Variants in DACH2 observed in about 807,000 individuals in gnomAD.
DACH2 encodes dachshund family transcription factor 2.
In DACH2, 17 loss-of-function variants were observed where a neutral mutation model predicts 35.8. That is an observed-to-expected ratio of 0.48 (90% CI 0.33 to 0.71). DACH2 has a LOEUF of 0.71. Ranked by LOEUF, DACH2 falls within the 30% of genes least tolerant of loss-of-function variation. The probability of loss-of-function intolerance (pLI) is 0.02; values close to 1 mark genes in which losing one functional copy is unlikely to be tolerated. For synonymous variants in DACH2, 195 were observed against 177.3 expected (o/e 1.10, Z -0.79); for missense variants, 469 against 472.7 (o/e 0.99, Z 0.07).
At position 86,613,338 on chromosome X, in the gene DACH2, T is replaced by C. The variant is rs755365940; in HGVS notation, c.641-37698T>C. On this transcript the variant is annotated intron_variant, in intron 3 of 11. Transcript: ENST00000373125. The stretch of plus-strand genomic sequence containing the variant: ...GTTTCTCTAACTCTTACCTTTCTTT[T>C]TCCTTTTCATCTGCATATCTCTTAT... Among the ~76,000 whole-genome samples, 5 of 111,649 alleles carry C rather than the reference T, an allele frequency of 4.5e-5. No homozygotes were observed. The South Asian group carries it at 1.9e-3, about 42-fold the overall frequency.
chrX:86,231,361 C>T (rs188150904), intron 1 of DACH2, among the ~76,000 whole-genome samples: 3,594 of 110,897 alleles, frequency 0.032, 146 homozygotes, highest in African/African-American at 0.11. Context: ...CCTTTGTCTT[C>T]GGCTACCAGA....
intron 1 of DACH2, among the ~76,000 whole-genome samples, chrX:86,290,273 G>GT (rs2034252546): frequency 1.6e-5 from 1 of 62,312 alleles, no homozygotes; most frequent in Admixed American, 2.1e-4. Flanking sequence ...GGGGTTGTTT[G>GT]TTTTTTTCTT....
intron 2 of DACH2, among the ~76,000 whole-genome samples, chrX:86,388,279 G>A (rs2036150824): frequency 8.9e-6 from 1 of 111,834 alleles, no homozygotes; most frequent in African/African-American, 3.2e-5. Flanking sequence ...TACTTTCTTT[G>A]GATGTACAAT....
chrX:86,725,389 A>C (rs993687430), intron 6 of DACH2, among the ~76,000 whole-genome samples: 1 of 111,656 alleles, frequency 9.0e-6, no homozygotes, highest in East Asian at 2.8e-4. Flanking sequence ...TGCCCATGGT[A>C]GTGTAATCTA....
intron 1 of DACH2, among the ~76,000 whole-genome samples, chrX:86,180,285 T>A (rs1172999685): frequency 9.9e-6 from 1 of 100,590 alleles, no homozygotes; most frequent in Non-Finnish European, 2.0e-5. Flanking sequence ...TTACTGTAGA[T>A]GTTTTAGAAC....
At chrX:86,527,621 T>A (rs1012349501) in intron 3 of DACH2, among the ~76,000 whole-genome samples, 2 of 112,523 alleles carry the variant, frequency 1.8e-5, no homozygotes, top group Admixed American at 1.9e-4. Flanking sequence ...GGAGTTCTTT[T>A]ACCAGTTTTT....
At chrX:86,746,822 A>G (rs1303988825) in intron 7 of DACH2, among the ~76,000 whole-genome samples, 1 of 111,303 alleles carries the variant, frequency 9.0e-6, no homozygotes, top group Non-Finnish European at 1.9e-5. Context: ...TTGGTGTTGT[A>G]TCTAAGAATG....
At chrX:86,611,205 G>A (rs1415773645) in intron 3 of DACH2, among the ~76,000 whole-genome samples, 6 of 110,770 alleles carry the variant, frequency 5.4e-5, no homozygotes, top group Non-Finnish European at 1.1e-4. Context: ...GTCTAGAAAC[G>A]TTTTTTGGGA....
chrX:86,831,892 AG>A, intron 11 of DACH2: 1 of 372,285 alleles, frequency 2.7e-6, no homozygotes, highest in Non-Finnish European at 4.6e-6. Context: ...TGCTGTGGAA[AG>A]AAGAACAGAA....
At chrX:86,571,593 A>G (rs1031752742) in intron 3 of DACH2, among the ~76,000 whole-genome samples, 6 of 110,479 alleles carry the variant, frequency 5.4e-5, no homozygotes, top group Non-Finnish European at 1.9e-5. Context: ...ATAGGTGGGA[A>G]TTGAGCAATG....
At chrX:86,415,681 A>T (rs1240227331) in intron 2 of DACH2, among the ~76,000 whole-genome samples, 1 of 112,016 alleles carries the variant, frequency 8.9e-6, no homozygotes, top group Non-Finnish European at 1.9e-5. Flanking sequence ...CCCCAAAATT[A>T]TACAAAAAGT....
chrX:86,424,347 C>T (rs922408161), intron 2 of DACH2, among the ~76,000 whole-genome samples: 1 of 110,435 alleles, frequency 9.1e-6, no homozygotes, highest in Non-Finnish European at 1.9e-5. Context: ...TTTTTGATGT[C>T]CTTCTCAATT....
rs186293599 is a variant in DACH2 at position 86,660,009 on chromosome X, T to A, written c.772+8842T>A. On this transcript the variant is annotated intron_variant, in intron 4 of 11. Transcript: ENST00000373125. ...GAAATTTGAGGTTAGTGTCATGGGATCAAAATGTGCCTCTGTCCATGTTCA... is the reference window on the plus strand; with the variant it reads ...GAAATTTGAGGTTAGTGTCATGGGAACAAAATGTGCCTCTGTCCATGTTCA... Among the ~76,000 whole-genome samples, 251 of 111,287 alleles carry A rather than the reference T, an allele frequency of 2.3e-3. 2 individuals are homozygous for A. Among genetic ancestry groups the A allele is most frequent in the African/African-American group, 7.8e-3 (239 of 30,745 alleles).
At chrX:86,686,221 T>TTTTA (rs755445736) in intron 4 of DACH2, among the ~76,000 whole-genome samples, 1,838 of 111,050 alleles carry the variant, frequency 0.017, 20 homozygotes, top group Non-Finnish European at 0.025. Context: ...GGTATTTTTA[T>TTTTA]TTTATTTATT....
chrX:86,436,643 C>A (rs189707716), intron 2 of DACH2, among the ~76,000 whole-genome samples: 7 of 110,859 alleles, frequency 6.3e-5, no homozygotes, highest in Admixed American at 4.8e-4. Flanking sequence ...CAGGTTAATG[C>A]TAATCTCATG....
In DACH2 at chrX:86,271,484, A is replaced by G. The variant is rs1017447156; in HGVS notation, c.489-105340A>G. Reference sequence around the variant, plus strand: ...TCATAGCAGAATTTCAATGAATGCTATATTCAATGGAACTATTAAAGATTA... The same window carrying G: ...TCATAGCAGAATTTCAATGAATGCTGTATTCAATGGAACTATTAAAGATTA... On this transcript the variant is annotated intron_variant, in intron 1 of 11. Transcript: ENST00000373125. Among the ~76,000 whole-genome samples, 6 of 111,997 alleles carry G rather than the reference A, an allele frequency of 5.4e-5. No individual in the cohort carries two copies. The East Asian group carries it at 1.7e-3, about 31-fold the overall frequency.
chrX:86,483,650 C>G (rs767474514), intron 2 of DACH2, among the ~76,000 whole-genome samples: 3 of 110,453 alleles, frequency 2.7e-5, no homozygotes, highest in East Asian at 5.8e-4. Context: ...CTGGGCAACA[C>G]GATGAAACCC....
chrX:86,453,648 CTG>C (rs1207912804), intron 2 of DACH2, among the ~76,000 whole-genome samples: 5 of 110,638 alleles, frequency 4.5e-5, no homozygotes, highest in Non-Finnish European at 9.5e-5. Flanking sequence ...CTGTTTTTTT[CTG>C]TTTTTCATTT....
intron 6 of DACH2, among the ~76,000 whole-genome samples, chrX:86,718,477 T>G (rs188472841): frequency 8.9e-6 from 1 of 111,969 alleles, no homozygotes; most frequent in Admixed American, 9.5e-5. Context: ...AGATTTTTAG[T>G]TTAATTAAGT....
Sources: allele counts gnomAD v4.1 joint callset (sites outside exome capture counted in the v4.1 genomes callset), GRCh38; gene constraint gnomAD v4.1.1; transcripts MANE v1.5; gene names NCBI Gene and HGNC (gene_info 2026-07-23, HGNC 2026-07-21).